Variants in TMEM223 observed in about 807,000 individuals in gnomAD.
TMEM223 encodes transmembrane protein 223.
TMEM223 carries 14 observed loss-of-function variants against 14.1 expected under a neutral mutation model. That is an observed-to-expected ratio of 0.99 (90% CI 0.66 to 1.55). The LOEUF is 1.55. Ranked by LOEUF, TMEM223 falls within the 40% of genes most tolerant of loss-of-function variation. The pLI is 0.00. For missense variants in TMEM223, 346 were observed against 269.9 expected (o/e 1.28, Z -1.97); for synonymous variants, 145 against 120.5 (o/e 1.20, Z -1.33).
At chr11:62,782,356 C>G in intron 1 of TMEM223, 1 of 1,607,754 alleles carries the variant, frequency 6.2e-7, no homozygotes, top group Non-Finnish European at 8.5e-7. Flanking sequence ...CCTAAACCTG[C>G]GGGTGGGATT....
downstream of TMEM223, chr11:62,786,759 C>G (rs2084281881): frequency 6.2e-7 from 1 of 1,613,012 alleles, no homozygotes; most frequent in Non-Finnish European, 8.5e-7. Flanking sequence ...ACCGGGAGCT[C>G]TACGCCTTCT....
downstream of TMEM223, chr11:62,789,049 G>A: frequency 6.2e-7 from 1 of 1,614,100 alleles, no homozygotes; most frequent in Non-Finnish European, 8.5e-7. Flanking sequence ...GATGTCCCCT[G>A]TATGGTGTGG....
chr11:62,791,032 T>G, intron 1 of TMEM223, 117 bp from the exon 2 acceptor site: 1 of 1,136,930 alleles, frequency 8.8e-7, no homozygotes, highest in Non-Finnish European at 1.2e-6. Flanking sequence ...ACTGAGCGCT[T>G]TTTTTTTTGA....
Position 62,790,573 on chromosome 11 carries a change from TTCAG to T in TMEM223, c.*46_*49del. ...AACCAACACACCTGGCTCCCCAAGGTTCAGTTTTTATCCTCCTCTTGGAGAGGTG... is the reference window on the plus strand; with the variant it reads ...AACCAACACACCTGGCTCCCCAAGGTTTTTTATCCTCCTCTTGGAGAGGTG... On this transcript the variant is annotated 3_prime_UTR_variant, in exon 2 of 2. Transcript: ENST00000307366. 1 of 1,522,728 alleles carries T rather than the reference TTCAG, an allele frequency of 6.6e-7. No homozygotes were observed. The highest frequency in any genetic ancestry group is 1.2e-5 in the South Asian group (1 of 80,714). 94.3% of individuals were successfully genotyped at this position (1,522,728 alleles called of 1,614,324 possible). A position where few individuals can be genotyped will look rare whatever the true frequency, so the allele number is the denominator to read the frequency against.
chr11:62,779,607 T>G (rs1400065361), intron 1 of TMEM223, among the ~76,000 whole-genome samples: 1 of 151,722 alleles, frequency 6.6e-6, no homozygotes. Context: ...ATGACAGGTG[T>G]GAGCCACTGT....
rs144162053 is a variant in TMEM223, at chr11:62,790,104, C to A, written c.*519G>T. 6.6e-7 allele frequency: 1 copy of A among 1,503,794 alleles called. No homozygotes were observed. The highest frequency in any genetic ancestry group is 8.9e-7 in the Non-Finnish European group (1 of 1,126,564). 93.2% of individuals were successfully genotyped at this position (1,503,794 alleles called of 1,614,324 possible). ...ACTCCATGCCCAAGTGCCTGTAATC[C>A]CCCCCCTCAAGGCCCTGTTTATGTT... On this transcript the variant is annotated 3_prime_UTR_variant, in exon 2 of 2. Coordinates refer to ENST00000307366, the MANE Select transcript of TMEM223 (RefSeq NM_001080501.3).
chr11:62,788,589 A>AGGAGGCTGAG (rs2084318881), downstream of TMEM223, among the ~76,000 whole-genome samples: 2 of 151,408 alleles, frequency 1.3e-5, no homozygotes, highest in Non-Finnish European at 2.9e-5. Context: ...CTGTAGTCCC[A>AGGAGGCTGAG]GCTACTCAGG....
downstream of TMEM223, chr11:62,786,964 G>T (rs1188482372): frequency 2.4e-5 from 35 of 1,443,820 alleles, no homozygotes; most frequent in Non-Finnish European, 2.7e-5. Context: ...CCCCGCGTCG[G>T]CCTCTGGGCC....
In TMEM223 at chr11:62,790,889, G is replaced by A; in HGVS notation, c.343C>T (p.Leu115Phe). ...GAGCGCACAGACCGGAGAGAGAAGA[G>A]AAGACCAGCACCGAGTACGAGGGCT... Reference protein sequence around the residue: ...IGALVLGAGLLFSLRSVRSVV... With the variant: ...IGALVLGAGLFFSLRSVRSVV... The change falls in exon 2 of 2, where the codon CTC becomes TTC. Residue 115 changes from leucine to phenylalanine, a missense_variant. By Grantham distance (22) the Leu-to-Phe change is conservative (BLOSUM62 0). Transcript: ENST00000307366. 4.4e-6 allele frequency: 7 copies of A among 1,597,820 alleles called. No individual in the cohort carries two copies. The highest frequency in any genetic ancestry group is 6.0e-6 in the Non-Finnish European group (7 of 1,169,986).
chr11:62,775,340 C>T (rs540055747), intron 1 of TMEM223, among the ~76,000 whole-genome samples: 56 of 152,256 alleles, frequency 3.7e-4, no homozygotes, highest in Non-Finnish European at 7.5e-4. Flanking sequence ...GCTCTTGACA[C>T]GTGGGGATTA....
chr11:62,791,839 G>C lies in TMEM223; in HGVS notation c.156C>G (p.Cys52Trp). Reference protein sequence around the residue: ...GRFFTILGLFCAGQGVFWASM... With the variant: ...GRFFTILGLFWAGQGVFWASM... ...AAGCCCAGAAGACGCCCTGGCCCGC[G>C]CAGAACAGCCCGAGGATGGTGAAGA... is the stretch of plus-strand genomic sequence containing the variant. Residue 52 changes from cysteine to tryptophan, a missense_variant, in exon 1 of 2, where the codon TGC becomes TGG. Coordinates refer to ENST00000307366, the MANE Select transcript of TMEM223 (RefSeq NM_001080501.3). 1 of 1,590,804 alleles carries C rather than the reference G, an allele frequency of 6.3e-7. No individual in the cohort carries two copies. Among genetic ancestry groups the C allele is most frequent in the East Asian group, 2.3e-5 (1 of 43,682 alleles).
chr11:62,789,839 A>G (rs1047670181), downstream of TMEM223: 3 of 1,589,608 alleles, frequency 1.9e-6, no homozygotes, highest in Admixed American at 3.5e-5. Context: ...GAAGGACTGG[A>G]TTTGAAATGG....
chr11:62,779,968 A>ATT (rs1341684851), intron 1 of TMEM223, among the ~76,000 whole-genome samples: 1 of 66,636 alleles, frequency 1.5e-5, no homozygotes, highest in African/African-American at 4.4e-5. Flanking sequence ...ATATATATAT[A>ATT]TATATATATT....
At chr11:62,785,765 C>T (rs1419565357), downstream of TMEM223, among the ~76,000 whole-genome samples, 1 of 148,550 alleles carries the variant, frequency 6.7e-6, no homozygotes, top group Non-Finnish European at 1.5e-5. Flanking sequence ...GAACTCCTGA[C>T]CTCAGGTGAT....
chr11:62,777,139 T>G (rs2084193707), intron 1 of TMEM223, among the ~76,000 whole-genome samples: 2 of 147,160 alleles, frequency 1.4e-5, no homozygotes, highest in South Asian at 4.3e-4. Context: ...AGAGCAGGAC[T>G]CCATGTCAAA....
At chr11:62,781,947 CTTTG>C in intron 1 of TMEM223, 1 of 1,614,118 alleles carries the variant, frequency 6.2e-7, no homozygotes. Context: ...TCCTGCCTTA[CTTTG>C]TTTATGTGGT....
downstream of TMEM223, chr11:62,782,635 G>A: frequency 6.3e-7 from 1 of 1,595,702 alleles, no homozygotes; most frequent in South Asian, 1.1e-5. Context: ...GTTGTCTTGT[G>A]CCCTGTTGGG....
downstream of TMEM223, chr11:62,787,414 C>G: frequency 6.4e-7 from 1 of 1,557,340 alleles, no homozygotes; most frequent in Non-Finnish European, 8.6e-7. Context: ...AGCGGCGCTT[C>G]CTGGTGGTCA....
downstream of TMEM223, among the ~76,000 whole-genome samples, chr11:62,784,579 T>A (rs2084256744): frequency 6.6e-6 from 1 of 152,320 alleles, no homozygotes; most frequent in Admixed American, 6.5e-5. Context: ...GTGTTGGGAT[T>A]ACAGGTGTGA....
Sources: allele counts gnomAD v4.1 joint callset (sites outside exome capture counted in the v4.1 genomes callset), GRCh38; gene constraint gnomAD v4.1.1; transcripts MANE v1.5; gene names NCBI Gene and HGNC (gene_info 2026-07-23, HGNC 2026-07-21).